The following GARNL3 variants were observed in gnomAD, a reference collection of about 807,000 sequenced individuals.
GARNL3 encodes GTPase activating Rap/RanGAP domain like 3, also known as GTPase-activating Rap/Ran-GAP domain-like protein 3.
GARNL3 carries 63 observed loss-of-function variants against 125.0 expected under a neutral mutation model. The ratio of observed to expected loss-of-function variants is 0.50; its 90% confidence interval spans 0.41 to 0.62. The LOEUF (loss-of-function observed/expected upper bound fraction) is 0.62. GARNL3 is among the 20% of genes least tolerant of loss of function. The pLI, the probability that GARNL3 is intolerant of heterozygous loss-of-function variation, is 0.00. For synonymous variants in GARNL3, 439 were observed against 457.5 expected, an observed-to-expected ratio of 0.96 and a Z score of 0.52; for missense variants, 994 against 1,244.0, an observed-to-expected ratio of 0.80 and a Z score of 3.02.
intron 1 of GARNL3, among the ~76,000 whole-genome samples, chr9:127,234,635 A>T (rs2063078454): frequency 6.6e-6 from 1 of 152,232 alleles, no homozygotes. Context: ...TTGTTGCCCT[A>T]GTCCATTTGG....
At chr9:127,230,656 CAAAA>C (rs1178159379) in intron 1 of GARNL3, among the ~76,000 whole-genome samples, 5 of 109,442 alleles carry the variant, frequency 4.6e-5, no homozygotes, top group Non-Finnish European at 3.9e-5. Flanking sequence ...TCCATCTCAC[CAAAA>C]AAAAAAAAAA....
upstream of GARNL3, among the ~76,000 whole-genome samples, chr9:127,262,917 C>T (rs2048790777): frequency 6.6e-6 from 1 of 152,182 alleles, no homozygotes; most frequent in Non-Finnish European, 1.5e-5. Context: ...GCCAGAGAGC[C>T]TGGGAAAGGA....
intron 2 of GARNL3, among the ~76,000 whole-genome samples, chr9:127,293,654 C>G (rs897051823): frequency 6.6e-6 from 1 of 151,882 alleles, no homozygotes; most frequent in Non-Finnish European, 1.5e-5. Context: ...CCGAGAATTC[C>G]AATATGTGAA....
At chr9:127,291,615 G>C (rs2064418245) in intron 2 of GARNL3, among the ~76,000 whole-genome samples, 1 of 151,942 alleles carries the variant, frequency 6.6e-6, no homozygotes. Context: ...TTACTGCAAT[G>C]ACAAAATGTC....
At chr9:127,254,767 T>C (rs1049444939) in intron 2 of GARNL3, among the ~76,000 whole-genome samples, 1 of 117,784 alleles carries the variant, frequency 8.5e-6, no homozygotes. Flanking sequence ...AGATTCTGTC[T>C]CAAAAAAAAA....
In GARNL3 at chr9:127,295,108, G is replaced by C. The variant is rs539601494; in HGVS notation, c.219+3866G>C. Among the ~76,000 whole-genome samples, 29 of 152,262 alleles carry C rather than the reference G, an allele frequency of 1.9e-4. 1 individual carries two copies. The highest frequency in any genetic ancestry group is 6.8e-3 in the Middle Eastern group (2 of 294). On this transcript the variant is annotated intron_variant, in intron 2 of 27. Coordinates refer to ENST00000373387, the MANE Select transcript of GARNL3 (RefSeq NM_032293.5). Reference sequence around the variant, plus strand: ...TATGTGATCCTACTCTGCATAACTAGTACACAGAACCCACCTTATGCAACT... The same window carrying C: ...TATGTGATCCTACTCTGCATAACTACTACACAGAACCCACCTTATGCAACT...
intron 1 of GARNL3, among the ~76,000 whole-genome samples, chr9:127,225,795 T>TCCGCGGCCCGGCTCGCCCTGGCGC (rs367558671): frequency 0.96 from 143,883 of 149,442 alleles, 69,337 homozygotes; most frequent in East Asian, 1. Flanking sequence ...ACCTGCTGCC[T>TCCGCGGCCCGGCTCGCCCTGGCGC]CCGCGGCCCC....
intron 1 of GARNL3, among the ~76,000 whole-genome samples, chr9:127,226,135 A>G (rs1347117698): frequency 2.0e-5 from 3 of 152,176 alleles, no homozygotes; most frequent in Admixed American, 1.3e-4. Context: ...AGGTCTTCCT[A>G]AAGCCGTGAC....
Position 127,354,316 on chromosome 9 carries a change from C to G in GARNL3, c.1665C>G (p.Val555=), listed in dbSNP as rs1356876207. ...CAGGAAAAGATGCTCGCCTCTTTGT[C>G]TTCAGGCTAAGTGCTCTGCAAAAGG... ...ADKGKDARLF[V]FRLSALQKGL... Residue 555 remains valine, a synonymous_variant, in exon 19 of 28, where the codon GTC becomes GTG. Transcript: ENST00000373387. 4 of 1,613,622 alleles carry G rather than the reference C, an allele frequency of 2.5e-6. No individual in the cohort carries two copies. The highest frequency in any genetic ancestry group is 3.4e-6 in the Non-Finnish European group (4 of 1,179,684).
intron 1 of GARNL3, among the ~76,000 whole-genome samples, chr9:127,227,193 T>C (rs1448287007): frequency 6.6e-6 from 1 of 152,240 alleles, no homozygotes; most frequent in African/African-American, 2.4e-5. Flanking sequence ...ACCTTACACC[T>C]GAAAGACTAA....
At chr9:127,328,960 C>T (rs1005496043) in intron 7 of GARNL3, among the ~76,000 whole-genome samples, 1 of 152,200 alleles carries the variant, frequency 6.6e-6, no homozygotes, top group Non-Finnish European at 1.5e-5. Flanking sequence ...TGTGAATTCC[C>T]TCCAGCAGCA....
chr9:127,351,382 G>A (rs547904645), intron 17 of GARNL3, among the ~76,000 whole-genome samples: 1 of 152,148 alleles, frequency 6.6e-6, no homozygotes, highest in African/African-American at 2.4e-5. Context: ...GATGGTGGGT[G>A]TAGCTGTTTA....
intron 1 of GARNL3, among the ~76,000 whole-genome samples, chr9:127,227,473 C>T (rs2062933219): frequency 6.6e-6 from 1 of 151,806 alleles, no homozygotes; most frequent in African/African-American, 2.4e-5. Context: ...TGGTGGTAGG[C>T]GCCTGTAATC....
At position 127,318,790 on chromosome 9, in the gene GARNL3, C is replaced by T. The variant is rs545393353; in HGVS notation, c.503+663C>T. 3.6e-4 allele frequency among the ~76,000 whole-genome samples: 55 copies of T among 152,330 alleles called. 1 individual carries two copies. The highest frequency in any genetic ancestry group is 3.5e-3 in the Admixed American group (53 of 15,302). On this transcript the variant is annotated intron_variant, in intron 5 of 27. Coordinates refer to ENST00000373387, the MANE Select transcript of GARNL3 (RefSeq NM_032293.5). ...TGTTACATCATAGCTATGGTAGCTT[C>T]TGTTTGTCAGGCACTGTGCTGAATG...
At chr9:127,267,177 C>T (rs1564862584) in intron 1 of GARNL3, among the ~76,000 whole-genome samples, 1 of 152,142 alleles carries the variant, frequency 6.6e-6, no homozygotes, top group African/African-American at 2.4e-5. Flanking sequence ...GTTGACCAAA[C>T]GTTCTTCAAT....
rs528083910 is a variant in GARNL3 at position 127,311,236 on chromosome 9, A to G, written c.220-400A>G. Among the ~76,000 whole-genome samples the G allele has an allele frequency of 6.4e-5, 7 of 109,906 alleles. No homozygotes were observed. In the South Asian group the frequency reaches 1.8e-3, roughly 29 times the overall value. 72.1% of individuals were successfully genotyped at this position (109,906 alleles called of 152,430 possible). On this transcript the variant is annotated intron_variant, in intron 2 of 27. Coordinates refer to ENST00000373387, the MANE Select transcript of GARNL3 (RefSeq NM_032293.5). ...AAAATACGTATGTATATGCATGGGG[A>G]AAAAAAAAAACAGAAAAAACCTACC...
rs540889853 is a variant in GARNL3, at chr9:127,304,998, G to T, written c.220-6638G>T. Among the ~76,000 whole-genome samples the T allele has an allele frequency of 4.6e-5, 7 of 152,292 alleles. No individual in the cohort carries two copies. The East Asian group carries it at 1.3e-3, about 29-fold the overall frequency. On this transcript the variant is annotated intron_variant, in intron 2 of 27. Transcript: ENST00000373387. ...GTAACACAGGTGAATGTTGCAGACC[G>T]AATGACAAAGGATAAACGCCTGACT...
intron 1 of GARNL3, among the ~76,000 whole-genome samples, chr9:127,287,662 G>A (rs2064290509): frequency 6.6e-6 from 1 of 152,220 alleles, no homozygotes; most frequent in African/African-American, 2.4e-5. Flanking sequence ...AGTGTGACCA[G>A]TAGGATCTCC....
chr9:127,265,257 G>T (rs1164188053), intron 1 of GARNL3, among the ~76,000 whole-genome samples: 1 of 151,780 alleles, frequency 6.6e-6, no homozygotes, highest in Non-Finnish European at 1.5e-5. Flanking sequence ...AATATGTTAC[G>T]GCTTGGTATT....
Sources: allele counts gnomAD v4.1 joint callset (sites outside exome capture counted in the v4.1 genomes callset), GRCh38; gene constraint gnomAD v4.1.1; transcripts MANE v1.5; gene names NCBI Gene and HGNC (gene_info 2026-07-23, HGNC 2026-07-21).